TMEM117: variants seen among roughly 807,000 people sequenced by gnomAD.
TMEM117 encodes the protein transmembrane protein 117.
In TMEM117, 27 loss-of-function variants were observed where a neutral mutation model predicts 52.4. The observed-to-expected ratio is 0.51, with a 90% CI of 0.38 to 0.71. TMEM117 has a LOEUF of 0.71. TMEM117 is among the 30% of genes least tolerant of loss of function. The pLI, the probability that TMEM117 is intolerant of heterozygous loss-of-function variation, is 0.00. For synonymous variants in TMEM117, 215 were observed against 206.3 expected (o/e 1.04, Z -0.36); for missense variants, 556 against 630.5 (o/e 0.88, Z 1.26).
Position 44,032,584 on chromosome 12 carries a change from T to A in TMEM117, c.410+88242T>A, listed in dbSNP as rs141567272. Among the ~76,000 whole-genome samples the A allele has an allele frequency of 6.7e-3, 1,018 of 152,372 alleles. 18 individuals are homozygous for A. The highest frequency in any genetic ancestry group is 0.023 in the African/African-American group (966 of 41,600). On this transcript the variant is annotated intron_variant, in intron 3 of 7. Transcript: ENST00000266534. ...GCCTTCTAATTTAGTTTATTTGAGATAATTTTACTTATTTCACTTTACTGT... is the reference window on the plus strand; with the variant it reads ...GCCTTCTAATTTAGTTTATTTGAGAAAATTTTACTTATTTCACTTTACTGT...
intron 3 of TMEM117, among the ~76,000 whole-genome samples, chr12:44,038,476 C>T (rs936530904): frequency 6.6e-6 from 1 of 152,188 alleles, no homozygotes; most frequent in African/African-American, 2.4e-5. Context: ...TGGCTGTGCG[C>T]AGTGACTGCA....
intron 5 of TMEM117, among the ~76,000 whole-genome samples, chr12:44,253,835 TACACACACACACACACAC>T (rs10565033): frequency 7.3e-6 from 1 of 136,260 alleles, no homozygotes; most frequent in African/African-American, 2.6e-5. Context: ...TGATAATTCC[TACACACACACACACACAC>T]ACACACACAC....
chr12:44,015,110 A>T (rs904690723), intron 3 of TMEM117, among the ~76,000 whole-genome samples: 1 of 151,960 alleles, frequency 6.6e-6, no homozygotes, highest in Non-Finnish European at 1.5e-5. Context: ...ACCATAGGAA[A>T]TTTTTTTCCT....
In TMEM117 at chr12:44,302,165, C is replaced by T. The variant is rs538331191; in HGVS notation, c.768+2426C>T. ...TGGATCTTCTGCCACCACACATCCA[C>T]GTACCATATGCCCTATGCAGCTCTT... On this transcript the variant is annotated intron_variant, in intron 6 of 7. Coordinates refer to ENST00000266534, the MANE Select transcript of TMEM117 (RefSeq NM_032256.3). Among the ~76,000 whole-genome samples, 10 of 152,308 alleles carry T rather than the reference C, an allele frequency of 6.6e-5. No individual in the cohort carries two copies. The South Asian group carries it at 1.2e-3, about 19-fold the overall frequency.
intron 3 of TMEM117, among the ~76,000 whole-genome samples, chr12:44,096,544 C>T (rs1162135860): frequency 2.6e-5 from 4 of 151,870 alleles, no homozygotes; most frequent in African/African-American, 7.3e-5. Flanking sequence ...GAACAGAGCC[C>T]TCAGAAATAA....
chr12:44,211,471 T>G (rs568961003), intron 5 of TMEM117, 84 bp downstream of exon 5: 1 of 930,366 alleles, frequency 1.1e-6, no homozygotes, highest in East Asian at 2.6e-5. Context: ...CTTACAATTA[T>G]AGAATTCTAT....
At chr12:44,200,163 C>CA (rs900788321) in intron 4 of TMEM117, among the ~76,000 whole-genome samples, 51 of 151,998 alleles carry the variant, frequency 3.4e-4, no homozygotes, top group African/African-American at 9.2e-4. Flanking sequence ...AAAATAGAAA[C>CA]AAAAAAACCC....
At chr12:43,861,298 C>T (rs1169670530) in intron 2 of TMEM117, among the ~76,000 whole-genome samples, 1 of 152,122 alleles carries the variant, frequency 6.6e-6, no homozygotes, top group African/African-American at 2.4e-5. Flanking sequence ...GATTTTCTGT[C>T]CATGTCGGGG....
intron 6 of TMEM117, among the ~76,000 whole-genome samples, chr12:44,304,765 A>G (rs1239169375): frequency 6.6e-6 from 1 of 152,118 alleles, no homozygotes; most frequent in East Asian, 1.9e-4. Context: ...AAGATTAATC[A>G]CCCATTGTCT....
At chr12:44,185,182 A>G (rs894751781) in intron 4 of TMEM117, among the ~76,000 whole-genome samples, 1 of 152,192 alleles carries the variant, frequency 6.6e-6, no homozygotes, top group Non-Finnish European at 1.5e-5. Flanking sequence ...TTTTGATAAG[A>G]GCTGACATCT....
At chr12:43,817,665 A>G in the TMEM117 span, among the ~76,000 whole-genome samples, 1 of 152,210 alleles carries the variant, frequency 6.6e-6, no homozygotes, top group East Asian at 1.9e-4. Flanking sequence ...CAGTCATCCT[A>G]GAGTATTTCT....
intron 6 of TMEM117, among the ~76,000 whole-genome samples, chr12:44,303,708 T>C (rs1701096052): frequency 1.3e-5 from 2 of 152,212 alleles, no homozygotes; most frequent in South Asian, 4.1e-4. Context: ...ATTTGATTTA[T>C]ATATATCCCT....
intron 2 of TMEM117, among the ~76,000 whole-genome samples, chr12:43,898,864 G>A (rs1036923073): frequency 2.6e-4 from 39 of 152,268 alleles, no homozygotes; most frequent in Admixed American, 2.3e-3. Context: ...GACAAAAGTG[G>A]CCCCATAAGT....
In TMEM117 at chr12:43,844,819, T is replaced by C; in HGVS notation, c.168T>C (p.Asn56=). ...VVGNCFSFVT[N]KYPRGVGWRI... ...GAAACTGTTTTTCATTTGTTACAAA[T>C]AAATACCCTAGAGGAGTTGGCTGGA... Residue 56 remains asparagine (N), a synonymous_variant, in exon 2 of 8, where the codon AAT becomes AAC. Coordinates refer to ENST00000266534, the MANE Select transcript of TMEM117 (RefSeq NM_032256.3). 6.2e-7 allele frequency: 1 copy of C among 1,614,196 alleles called. No individual in the cohort carries two copies. The highest frequency in any genetic ancestry group is 8.5e-7 in the Non-Finnish European group (1 of 1,180,024).
chr12:43,944,111 GA>G, intron 2 of TMEM117, 98 bp from the exon 3 acceptor site: 1 of 1,088,044 alleles, frequency 9.2e-7, no homozygotes, highest in Non-Finnish European at 1.3e-6. Context: ...AAAGACTTCA[GA>G]ATATAGTGAG....
intron 1 of TMEM117, among the ~76,000 whole-genome samples, chr12:43,843,453 C>T (rs12298970): frequency 0.27 from 40,851 of 152,084 alleles, 8,536 homozygotes; most frequent in African/African-American, 0.58. Flanking sequence ...ATGGGCAGGC[C>T]GGTTCCCAAA....
rs545561872 is a variant in TMEM117 at position 43,892,990 on chromosome 12, A to G, written c.277+48062A>G. Reference sequence around the variant, plus strand: ...AAGGAATAGCAAGTGAAAAGCCCAGAGGTGAAATGAGCTGGATATGATGTT... The same window carrying G: ...AAGGAATAGCAAGTGAAAAGCCCAGGGGTGAAATGAGCTGGATATGATGTT... On this transcript the variant is annotated intron_variant, in intron 2 of 7. Coordinates refer to ENST00000266534, the MANE Select transcript of TMEM117 (RefSeq NM_032256.3). Among the ~76,000 whole-genome samples the G allele has an allele frequency of 4.6e-5, 7 of 152,340 alleles. No homozygotes were observed. The East Asian group carries it at 9.7e-4, about 21-fold the overall frequency.
intron 3 of TMEM117, among the ~76,000 whole-genome samples, chr12:44,047,373 A>G (rs951523039): frequency 1.9e-4 from 29 of 152,046 alleles, no homozygotes; most frequent in African/African-American, 6.3e-4. Context: ...CTGCAGAGAG[A>G]ATTTGAGTTT....
intron 2 of TMEM117, among the ~76,000 whole-genome samples, chr12:43,848,223 T>C (rs541658916): frequency 1.3e-5 from 2 of 152,116 alleles, no homozygotes; most frequent in Non-Finnish European, 2.9e-5. Flanking sequence ...ATTGTCTTGA[T>C]AAACATCTTA....
Sources: gnomAD v4.1 joint callset for allele counts (sites outside exome capture counted in the v4.1 genomes callset) on GRCh38, gnomAD v4.1.1 for gene constraint, MANE v1.5 for transcripts, NCBI Gene and HGNC (gene_info 2026-07-23, HGNC 2026-07-21) for gene names.